Variants in CELF3 observed in about 807,000 individuals in gnomAD.
CELF3 encodes CUGBP Elav-like family member 3.
A neutral mutation model predicts 59.6 loss-of-function variants in CELF3; 26 were observed. That is an observed-to-expected ratio of 0.44 (90% CI 0.32 to 0.61). The LOEUF (loss-of-function observed/expected upper bound fraction) is 0.61, where lower values mean the gene tolerates loss of function less well. CELF3 is among the 20% of genes least tolerant of loss of function. CELF3 has a pLI of 0.06. For missense variants in CELF3, 387 were observed against 627.2 expected (o/e 0.62, Z 4.09); for synonymous variants, 245 against 250.7 (o/e 0.98, Z 0.22).
Position 151,708,992 on chromosome 1 carries a change from G to T in CELF3, c.486+6C>A. ...AGAGGCCCGGGGGCAGGGGAGTGGGGCTCACTGGCAGGGTCCGGCTGCTGT... is the reference window on the plus strand; with the variant it reads ...AGAGGCCCGGGGGCAGGGGAGTGGGTCTCACTGGCAGGGTCCGGCTGCTGT... On this transcript the variant is annotated splice_donor_region_variant and intron_variant, in intron 5 of 12. Transcript: ENST00000290583. 6.2e-7 allele frequency: 1 copy of T among 1,612,920 alleles called. No homozygotes were observed. The highest frequency in any genetic ancestry group is 8.5e-7 in the Non-Finnish European group (1 of 1,179,644).
intron 2 of CELF3, chr1:151,710,563 G>A (rs1470213959): frequency 2.3e-6 from 1 of 428,706 alleles, no homozygotes. Flanking sequence ...CCTGATTCTG[G>A]AGGGAGGCTT....
intron 5 of CELF3, chr1:151,708,201 T>C (rs1224493711): frequency 1.2e-5 from 5 of 424,694 alleles, no homozygotes; most frequent in East Asian, 3.9e-5. Context: ...AAGGGCATCA[T>C]TGGCTACTCT....
In CELF3 at chr1:151,705,260, T is replaced by A; in HGVS notation, c.1271-92A>T. The A allele has an allele frequency of 7.1e-7, 1 of 1,414,426 alleles. No individual in the cohort carries two copies. Among genetic ancestry groups the A allele is most frequent in the Non-Finnish European group, 9.5e-7 (1 of 1,047,992 alleles). 87.6% of individuals were successfully genotyped at this position (1,414,426 alleles called of 1,614,324 possible). On this transcript the variant is annotated intron_variant, in intron 11 of 12. Transcript: ENST00000290583. The surrounding 1 kb of genome is among the most constrained non-coding windows in gnomAD (Gnocchi z 5.1). ...GGCACTACCCTGTGTCTCCCAAGTG[T>A]CCCAAATGCCTAGAAAGCTGCCTGC...
intron 8 of CELF3, 38 bp from the exon 9 acceptor site, chr1:151,706,772 C>T: frequency 2.0e-6 from 3 of 1,481,410 alleles, no homozygotes; most frequent in Non-Finnish European, 2.7e-6. Context: ...GTGGACCTGG[C>T]ACACAGTGGG....
rs1330805633 is a variant in CELF3, at chr1:151,701,653, C to A, written c.*1806G>T. Among the ~76,000 whole-genome samples the A allele has an allele frequency of 6.6e-6, 1 of 152,170 alleles. No homozygotes were observed. The highest frequency in any genetic ancestry group is 6.5e-5 in the Admixed American group (1 of 15,278). ...CCTAGGCTGGGCGTGGTGGCTCATG[C>A]CTGTAATCTGAGCACTTCGGGAGGC... On this transcript the variant is annotated 3_prime_UTR_variant, in exon 13 of 13. Coordinates refer to ENST00000290583, the MANE Select transcript of CELF3 (RefSeq NM_007185.7).
chr1:151,709,945 A>G lies in CELF3; in HGVS notation c.229-154T>C, dbSNP rs1022364575. 1 of 744,936 alleles carries G rather than the reference A, an allele frequency of 1.3e-6. No homozygotes were observed. The highest frequency in any genetic ancestry group is 1.8e-5 in the Admixed American group (1 of 54,334). 46.1% of individuals were successfully genotyped at this position (744,936 alleles called of 1,614,324 possible). A position where few individuals can be genotyped will look rare whatever the true frequency, so the allele number is the denominator to read the frequency against. ...GGGACAGGGCCTAATACTGTTCAGG[A>G]TGAAGGCCTGAGGGGATCAGAGGCA... On this transcript the variant is annotated intron_variant, in intron 2 of 12. Transcript: ENST00000290583. This position sits in a 1 kb window ranked among gnomAD's most constrained non-coding sequence, Gnocchi z 4.9.
rs1672061746 is a variant in CELF3, at chr1:151,701,288, G to T, written c.*2171C>A. 6.6e-6 allele frequency: 1 copy of T among 152,148 alleles called. No homozygotes were observed. The highest frequency in any genetic ancestry group is 2.4e-5 in the African/African-American group (1 of 41,414). 9.4% of individuals were successfully genotyped at this position (152,148 alleles called of 1,614,324 possible). ...CTTACTAATGATGAAGACAGAGGGT[G>T]GGGTAGCAGCCTAGAAGCACATGTT... On this transcript the variant is annotated 3_prime_UTR_variant, in exon 13 of 13. Transcript: ENST00000290583.
intron 2 of CELF3, 118 bp downstream of exon 2, chr1:151,714,476 G>A: frequency 1.3e-6 from 1 of 758,344 alleles, no homozygotes; most frequent in Middle Eastern, 2.2e-4. Context: ...GAGAGAGAGG[G>A]GGACTTCCTG....
Position 151,709,833 on chromosome 1 carries a change from G to C in CELF3, c.229-42C>G. On this transcript the variant is annotated intron_variant, in intron 2 of 12. Transcript: ENST00000290583. The surrounding 1 kb of genome is among the most constrained non-coding windows in gnomAD (Gnocchi z 4.9). ...AAGGCAGCTGCTGGGGACCTCCTCT[G>C]AACACCCAAGAGCCCTCCCAGGCCA... The C allele has an allele frequency of 1.3e-6, 2 of 1,595,304 alleles. No individual in the cohort carries two copies. Among genetic ancestry groups the C allele is most frequent in the Non-Finnish European group, 1.7e-6 (2 of 1,162,814 alleles).
intron 2 of CELF3, among the ~76,000 whole-genome samples, chr1:151,713,823 A>T (rs555344585): frequency 1.4e-3 from 214 of 152,282 alleles, no homozygotes; most frequent in African/African-American, 5.1e-3. Context: ...TCCTAGCAGT[A>T]CTCAAAGGTT....
chr1:151,716,040 G>GGGCCGAGGGGAGCAGGGAGAGGCCCAAA lies in CELF3; in HGVS notation c.-48_-21dup, dbSNP rs747082529. On this transcript the variant is annotated 5_prime_UTR_variant, in exon 1 of 13. Transcript: ENST00000290583. ...CTTCATTGAGGCGGCCCAGGAGGAG[G>GGGCCGAGGGGAGCAGGGAGAGGCCCAAA]GGCCGAGGGGAGCAGGGAGAGGCCC... The GGGCCGAGGGGAGCAGGGAGAGGCCCAAA allele has an allele frequency of 1.2e-6, 2 of 1,600,438 alleles. No individual in the cohort carries two copies. The highest frequency in any genetic ancestry group is 1.7e-6 in the Non-Finnish European group (2 of 1,172,630).
intron 1 of CELF3, 179 bp downstream of exon 1, chr1:151,715,696 CG>C: frequency 6.5e-7 from 1 of 1,539,812 alleles, no homozygotes; most frequent in Non-Finnish European, 8.7e-7. Context: ...AGTCCTTCAC[CG>C]GGGTTTCCTG....
In CELF3 at chr1:151,716,329, T is replaced by C. The variant is rs907277745; in HGVS notation, c.-309A>G. ...GATGGGGGTGAGTATGGCCAAGACC[T>C]GGAGGGTTAGGTGGTAGCCGGGGGT... is the stretch of plus-strand genomic sequence containing the variant. On this transcript the variant is annotated 5_prime_UTR_variant, in exon 1 of 13. Coordinates refer to ENST00000290583, the MANE Select transcript of CELF3 (RefSeq NM_007185.7). The C allele has an allele frequency of 5.6e-6, 2 of 359,150 alleles. No homozygotes were observed. The highest frequency in any genetic ancestry group is 4.5e-5 in the South Asian group (1 of 22,154). The allele number at this position is 359,150 out of a possible 1,614,324, so 22.2% of individuals were successfully genotyped here.
chr1:151,715,789 C>G, intron 1 of CELF3, 87 bp downstream of exon 1: 1 of 1,594,352 alleles, frequency 6.3e-7, no homozygotes, highest in Non-Finnish European at 8.5e-7. Flanking sequence ...TCAGCCCTTC[C>G]CAGCCGCTCC....
chr1:151,712,542 G>A (rs758332960), intron 2 of CELF3, among the ~76,000 whole-genome samples: 52 of 152,182 alleles, frequency 3.4e-4, no homozygotes, highest in Admixed American at 1.6e-3. Context: ...AGGGTGAAGG[G>A]GGAAGAGCTG....
intron 8 of CELF3, 47 bp from the exon 9 acceptor site, chr1:151,706,781 G>T: frequency 7.0e-7 from 1 of 1,430,668 alleles, no homozygotes; most frequent in East Asian, 2.5e-5. Context: ...GCACACAGTG[G>T]GGGCCCTCAG....
chr1:151,712,428 G>A (rs936323664), intron 2 of CELF3, among the ~76,000 whole-genome samples: 28 of 152,260 alleles, frequency 1.8e-4, no homozygotes, highest in Middle Eastern at 3.4e-3. Context: ...ACTTGTTCCC[G>A]GCGTCCCAGA....
At chr1:151,710,500 G>C (rs1007336580) in intron 2 of CELF3, 5 of 363,274 alleles carry the variant, frequency 1.4e-5, no homozygotes, top group South Asian at 1.0e-4. Context: ...GGTATGCTGG[G>C]GGTGGAGGAT....
intron 2 of CELF3, chr1:151,711,245 A>T (rs189763699): frequency 5.0e-6 from 1 of 198,026 alleles, no homozygotes; most frequent in East Asian, 1.3e-4. Context: ...AGGCTCCAGC[A>T]TGTGGAGATC....
Sources: gnomAD v4.1 joint callset for allele counts (sites outside exome capture counted in the v4.1 genomes callset) on GRCh38, gnomAD v4.1.1 for gene constraint, Gnocchi (gnomAD v3.1) non-coding constraint, MANE v1.5 for transcripts, NCBI Gene and HGNC (gene_info 2026-07-23, HGNC 2026-07-21) for gene names.